YARS1: variants seen among roughly 807,000 people sequenced by gnomAD.
YARS1 encodes the protein tyrosyl-tRNA synthetase 1, also known as tyrosine--tRNA ligase, cytoplasmic.
A neutral mutation model predicts 62.2 loss-of-function variants in YARS1; 36 were observed. The ratio of observed to expected loss-of-function variants is 0.58; its 90% CI spans 0.44 to 0.76. The LOEUF is 0.76. Ranked by LOEUF, YARS1 falls within the 30% of genes least tolerant of loss-of-function variation. The pLI is 0.00. For missense variants in YARS1, 524 were observed against 639.8 expected (o/e 0.82, Z 1.95); for synonymous variants, 234 against 244.9 (o/e 0.96, Z 0.42).
At chr1:32,806,338 T>TG (rs1003246344) in intron 4 of YARS1, 144 bp downstream of exon 4, 5 of 1,292,304 alleles carry the variant, frequency 3.9e-6, no homozygotes, top group Middle Eastern at 5.4e-4. Flanking sequence ...CTGGTGGACT[T>TG]GCTGTACACA....
rs774209874 is a variant in YARS1 at position 32,786,985 on chromosome 1, C to T, written c.775G>A (p.Gly259Arg). 1 of 1,614,154 alleles carries T rather than the reference C, an allele frequency of 6.2e-7. No homozygotes were observed. Among genetic ancestry groups the T allele is most frequent in the Non-Finnish European group, 8.5e-7 (1 of 1,180,012 alleles). The change falls in exon 7 of 13, where the codon GGG becomes AGG. Residue 259 changes from glycine to arginine, a missense_variant. By Grantham distance (125) the Gly-to-Arg change is moderately radical. Coordinates refer to ENST00000373477, the MANE Select transcript of YARS1 (RefSeq NM_003680.4). ...ACATGCTTGATGAAGGACAGAACCCCATTGTTCTCCACATTTCCTGGCTCA... is the reference window on the plus strand; with the variant it reads ...ACATGCTTGATGAAGGACAGAACCCTATTGTTCTCCACATTTCCTGGCTCA... ...FCEPGNVENN[G>R]VLSFIKHVLF...
intron 4 of YARS1, among the ~76,000 whole-genome samples, chr1:32,804,731 C>T (rs953383164): frequency 5.3e-5 from 8 of 151,434 alleles, no homozygotes; most frequent in African/African-American, 1.7e-4. Flanking sequence ...CGGGAAGATG[C>T]GCTCCTCACT....
chr1:32,777,398 G>C (rs916470219), intron 12 of YARS1, among the ~76,000 whole-genome samples: 12 of 152,124 alleles, frequency 7.9e-5, no homozygotes, highest in African/African-American at 2.9e-4. Context: ...GGAACATGAA[G>C]TTAGGAGCTT....
chr1:32,817,286 AG>A lies in YARS1; in HGVS notation c.-43del. The A allele has an allele frequency of 6.2e-7, 1 of 1,612,006 alleles. No individual in the cohort carries two copies. The highest frequency in any genetic ancestry group is 8.5e-7 in the Non-Finnish European group (1 of 1,179,106). The stretch of plus-strand genomic sequence containing the variant: ...CTTCCCCCGCTCAGCCCGGCACCAG[AG>A]CCCCTTCCTGGGTCACCGTCGCCGC... On this transcript the variant is annotated 5_prime_UTR_variant, in exon 1 of 13. Transcript: ENST00000373477.
At chr1:32,808,344 T>A (rs1457298811) in intron 3 of YARS1, among the ~76,000 whole-genome samples, 1 of 151,708 alleles carries the variant, frequency 6.6e-6, no homozygotes, top group East Asian at 1.9e-4. Context: ...CTCAGCCTCC[T>A]GAGTACTGGG....
At chr1:32,782,588 A>G (rs752900738) in intron 8 of YARS1, 49 bp from the exon 9 acceptor site, 2 of 1,612,398 alleles carry the variant, frequency 1.2e-6, no homozygotes, top group East Asian at 2.2e-5. Context: ...AACAGGGCAC[A>G]GGACACCTGA....
chr1:32,785,518 C>T (rs751184044), intron 8 of YARS1, among the ~76,000 whole-genome samples: 10 of 151,758 alleles, frequency 6.6e-5, no homozygotes, highest in African/African-American at 1.5e-4. Context: ...ACAAACCTAG[C>T]GGGCCAAGAT....
chr1:32,797,823 T>G lies in YARS1; in HGVS notation c.531A>C (p.Leu177Phe). The change falls in exon 5 of 13, where the codon TTA becomes TTC. Residue 177 changes from leucine (L) to phenylalanine (F), a missense_variant. Transcript: ENST00000373477. The part of the protein sequence containing the change: ...PGLQALDEEY[L>F]KVDAQFGGID... ...TGCCTCCAAATTGGGCATCTACTTT[T>G]AAATACTCTTCATCCAAAGCCTGTG... is the stretch of plus-strand genomic sequence containing the variant. 6.2e-7 allele frequency: 1 copy of G among 1,614,104 alleles called. No homozygotes were observed. The highest frequency in any genetic ancestry group is 8.5e-7 in the Non-Finnish European group (1 of 1,179,978).
At chr1:32,801,942 C>CTTTTTTTT (rs34270752) in intron 4 of YARS1, among the ~76,000 whole-genome samples, 10 of 103,892 alleles carry the variant, frequency 9.6e-5, no homozygotes, top group Non-Finnish European at 1.3e-4. Flanking sequence ...CTTGTTATTT[C>CTTTTTTTT]TTTTTTTTTT....
At chr1:32,778,736 CTTTTTTTT>C (rs67504155) in intron 12 of YARS1, among the ~76,000 whole-genome samples, 24 of 120,070 alleles carry the variant, frequency 2.0e-4, no homozygotes, top group Non-Finnish European at 3.5e-4. Context: ...CTTTTCTTTT[CTTTTTTTT>C]TTTTTTTTTT....
At chr1:32,809,525 C>G (rs932359521) in intron 3 of YARS1, among the ~76,000 whole-genome samples, 15 of 152,056 alleles carry the variant, frequency 9.9e-5, no homozygotes, top group African/African-American at 3.1e-4. Flanking sequence ...TGTGAGCCAC[C>G]CTGCCCAGCC....
chr1:32,803,167 G>T (rs750516885), intron 4 of YARS1, among the ~76,000 whole-genome samples: 3 of 151,452 alleles, frequency 2.0e-5, no homozygotes, highest in African/African-American at 7.3e-5. Context: ...TTTTAGTAGA[G>T]ACGGGGTTTT....
chr1:32,786,313 T>A, intron 8 of YARS1, 49 bp downstream of exon 8: 2 of 1,585,164 alleles, frequency 1.3e-6, no homozygotes, highest in Non-Finnish European at 1.7e-6. Context: ...CAGCAAAAAA[T>A]AACAAAATAC....
At chr1:32,814,798 T>A (rs1638662897) in intron 1 of YARS1, among the ~76,000 whole-genome samples, 2 of 152,248 alleles carry the variant, frequency 1.3e-5, no homozygotes, top group South Asian at 4.1e-4. Flanking sequence ...CTTTTTGTCC[T>A]ATGACAGTAT....
At chr1:32,788,070 T>G (rs1211358523) in intron 6 of YARS1, among the ~76,000 whole-genome samples, 1 of 152,194 alleles carries the variant, frequency 6.6e-6, no homozygotes, top group Non-Finnish European at 1.5e-5. Flanking sequence ...ATCATGCCAC[T>G]ACACTCCAGC....
At position 32,780,260 on chromosome 1, in the gene YARS1, G is replaced by A. The variant is rs759944936; in HGVS notation, c.1159C>T (p.Leu387=). Residue 387 remains leucine, a synonymous_variant, in exon 11 of 13, where the codon CTG becomes TTG. Coordinates refer to ENST00000373477, the MANE Select transcript of YARS1 (RefSeq NM_003680.4). ...CCCACGTCAATCTTCTCTACATACAGGCTGTCTGCATCTGGGTGCTGCCAG... is the reference window on the plus strand; with the variant it reads ...CCCACGTCAATCTTCTCTACATACAAGCTGTCTGCATCTGGGTGCTGCCAG... The part of the protein sequence containing the change: ...TVEKHPDADS[L]YVEKIDVGEA... 11 of 1,614,030 alleles carry A rather than the reference G, an allele frequency of 6.8e-6. No homozygotes were observed. Among genetic ancestry groups the A allele is most frequent in the Non-Finnish European group, 9.3e-6 (11 of 1,180,034 alleles).
At chr1:32,815,570 A>G (rs944086480) in intron 1 of YARS1, among the ~76,000 whole-genome samples, 36 of 152,234 alleles carry the variant, frequency 2.4e-4, no homozygotes, top group Non-Finnish European at 1.3e-4. Context: ...TATCCATACA[A>G]CAGAGTATCA....
At chr1:32,790,162 C>T (rs1413728790) in intron 6 of YARS1, among the ~76,000 whole-genome samples, 150 of 139,164 alleles carry the variant, frequency 1.1e-3, no homozygotes, top group African/African-American at 3.6e-3. Context: ...GGATTACAGG[C>T]GTGAGCCACC....
chr1:32,797,579 C>A (rs1229693454), intron 5 of YARS1, 184 bp downstream of exon 5: 3 of 626,672 alleles, frequency 4.8e-6, no homozygotes, highest in Non-Finnish European at 8.5e-6. Context: ...ATAATTCCTG[C>A]TCAGTTACTA....
Sources: gnomAD v4.1 joint callset for allele counts (sites outside exome capture counted in the v4.1 genomes callset) on GRCh38, gnomAD v4.1.1 for gene constraint, MANE v1.5 for transcripts, NCBI Gene and HGNC (gene_info 2026-07-23, HGNC 2026-07-21) for gene names.